The following BRINP1 variants were observed in gnomAD, a reference collection of about 807,000 sequenced individuals.
The protein encoded by BRINP1 is BMP/retinoic acid-inducible neural-specific protein 1.
Under a neutral mutation model 72.9 loss-of-function variants are expected in BRINP1, and 17 were observed. That is an observed-to-expected ratio of 0.23 (90% CI 0.16 to 0.35). The LOEUF (loss-of-function observed/expected upper bound fraction) is 0.35. BRINP1 is among the 10% of genes least tolerant of loss of function. The pLI is 1.00. For synonymous variants in BRINP1, 418 were observed against 378.5 expected (o/e 1.10, Z -1.21); for missense variants, 850 against 1,001.6 (o/e 0.85, Z 2.04).
intron 7 of BRINP1, among the ~76,000 whole-genome samples, chr9:119,192,498 C>T (rs1341550669): frequency 6.6e-6 from 1 of 152,086 alleles, no homozygotes; most frequent in Non-Finnish European, 1.5e-5. Flanking sequence ...TGAAAAGGTA[C>T]TCAACAGCAC....
intron 1 of BRINP1, among the ~76,000 whole-genome samples, chr9:119,334,538 G>A (rs952831686): frequency 6.6e-6 from 1 of 152,120 alleles, no homozygotes; most frequent in Non-Finnish European, 1.5e-5. Context: ...ATGCCATCAG[G>A]TTTAGCTGAC....
At chr9:119,367,221 G>GATATATAT (rs6151155) in intron 1 of BRINP1, among the ~76,000 whole-genome samples, 2,149 of 99,794 alleles carry the variant, frequency 0.022, 172 homozygotes, top group African/African-American at 0.059. Context: ...GTGTGTGATT[G>GATATATAT]ATATATATAT....
At chr9:119,354,048 T>G (rs1201251415) in intron 1 of BRINP1, among the ~76,000 whole-genome samples, 1 of 151,930 alleles carries the variant, frequency 6.6e-6, no homozygotes, top group East Asian at 1.9e-4. Context: ...CACCCCTTCT[T>G]ACCATTGGGA....
At chr9:119,169,925 C>G (rs987910501) in intron 7 of BRINP1, among the ~76,000 whole-genome samples, 5 of 151,978 alleles carry the variant, frequency 3.3e-5, no homozygotes, top group African/African-American at 1.2e-4. Context: ...AGGGTCCTAT[C>G]TGTTAGAAGG....
chr9:119,186,693 A>C (rs1829624371), intron 7 of BRINP1, among the ~76,000 whole-genome samples: 1 of 152,122 alleles, frequency 6.6e-6, no homozygotes, highest in African/African-American at 2.4e-5. Context: ...ACAGTGCCCT[A>C]CTGCCCTGGA....
At chr9:119,303,278 C>CCACACA (rs1171316462) in intron 2 of BRINP1, among the ~76,000 whole-genome samples, 1 of 130,520 alleles carries the variant, frequency 7.7e-6, no homozygotes, top group African/African-American at 3.3e-5. Context: ...CCCACCCCCA[C>CCACACA]CACACACACA....
intron 2 of BRINP1, among the ~76,000 whole-genome samples, chr9:119,298,251 G>A (rs1179131651): frequency 6.6e-6 from 1 of 152,152 alleles, no homozygotes; most frequent in Middle Eastern, 3.2e-3. Context: ...AGGAACAATA[G>A]GGCCCATATT....
rs975401832 is a variant in BRINP1, at chr9:119,287,993, T to TAAAA, written c.218+25141_218+25144dup. On this transcript the variant is annotated intron_variant, in intron 2 of 7. Transcript: ENST00000265922. ...CACATGTACCACTGAACTTAAAAGT[T>TAAAA]AAAAAAAAAGAAAAACCACAAGTCA... is the stretch of plus-strand genomic sequence containing the variant. 7.6e-3 allele frequency among the ~76,000 whole-genome samples: 1,150 copies of TAAAA among 150,916 alleles called. 11 individuals are homozygous for TAAAA. Among genetic ancestry groups the TAAAA allele is most frequent in the African/African-American group, 0.027 (1,111 of 41,078 alleles).
At chr9:119,268,930 C>G (rs531670180) in intron 2 of BRINP1, among the ~76,000 whole-genome samples, 1 of 152,246 alleles carries the variant, frequency 6.6e-6, no homozygotes, top group African/African-American at 2.4e-5. Context: ...ATGAAAGGCA[C>G]TAAAATGTAG....
intron 5 of BRINP1, among the ~76,000 whole-genome samples, chr9:119,222,101 T>C (rs1449641967): frequency 6.6e-6 from 1 of 152,084 alleles, no homozygotes; most frequent in Non-Finnish European, 1.5e-5. Context: ...AACAAAGCTA[T>C]AGAAAACAAC....
At chr9:119,289,993 A>C (rs1450366977) in intron 2 of BRINP1, among the ~76,000 whole-genome samples, 20 of 152,230 alleles carry the variant, frequency 1.3e-4, no homozygotes, top group Admixed American at 1.3e-3. Flanking sequence ...ACCTGCAGTG[A>C]TCCTTCAATA....
intron 2 of BRINP1, among the ~76,000 whole-genome samples, chr9:119,302,838 T>A (rs540112475): frequency 9.2e-5 from 14 of 151,980 alleles, no homozygotes; most frequent in Admixed American, 2.6e-4. Flanking sequence ...CATTTTATAT[T>A]TTTTTTTCAA....
At chr9:119,271,345 G>T (rs951388263) in intron 2 of BRINP1, among the ~76,000 whole-genome samples, 2 of 150,842 alleles carry the variant, frequency 1.3e-5, no homozygotes, top group Non-Finnish European at 3.0e-5. Flanking sequence ...AAATCAATAT[G>T]TGGCCTTTGA....
chr9:119,362,211 A>C (rs898861162), intron 1 of BRINP1, among the ~76,000 whole-genome samples: 1 of 152,164 alleles, frequency 6.6e-6, no homozygotes, highest in East Asian at 1.9e-4. Flanking sequence ...TGGAGAGATA[A>C]AGATAGGTTC....
At chr9:119,201,055 C>T (rs2118862592) in intron 7 of BRINP1, among the ~76,000 whole-genome samples, 1 of 152,242 alleles carries the variant, frequency 6.6e-6, no homozygotes, top group East Asian at 1.9e-4. Context: ...CTGTCAGCCA[C>T]CTGAGGATTT....
At chr9:119,280,720 G>A (rs1299241920) in intron 2 of BRINP1, among the ~76,000 whole-genome samples, 2 of 151,916 alleles carry the variant, frequency 1.3e-5, no homozygotes, top group African/African-American at 2.4e-5. Flanking sequence ...TGAGACACTC[G>A]GTATACAAAG....
chr9:119,167,285 G>A lies in BRINP1; in HGVS notation c.2085C>T (p.Leu695=), dbSNP rs1289241703. ...QFYSSSSVML[L]LLDIRDRINR... is the part of the protein sequence containing the mutation. ...TAATTCGGTCCCGAATATCCAACAAGAGGAGCATCACTGACGAAGAGGAAT... is the reference window on the plus strand; with the variant it reads ...TAATTCGGTCCCGAATATCCAACAAAAGGAGCATCACTGACGAAGAGGAAT... Residue 695 remains leucine, a synonymous_variant, in exon 8 of 8, where the codon CTC becomes CTT. Transcript: ENST00000265922. The surrounding 1 kb of genome is among the most constrained non-coding windows in gnomAD (Gnocchi z 4.3). The A allele has an allele frequency of 6.2e-7, 1 of 1,614,096 alleles. No individual in the cohort carries two copies. Among genetic ancestry groups the A allele is most frequent in the Non-Finnish European group, 8.5e-7 (1 of 1,180,056 alleles).
At chr9:119,282,632 T>C (rs544948029) in intron 2 of BRINP1, among the ~76,000 whole-genome samples, 7 of 152,286 alleles carry the variant, frequency 4.6e-5, no homozygotes, top group Admixed American at 2.6e-4. Context: ...TCCACTGTTA[T>C]TGTTACAGAA....
At chr9:119,366,720 G>A (rs1441431068) in intron 1 of BRINP1, among the ~76,000 whole-genome samples, 1 of 151,870 alleles carries the variant, frequency 6.6e-6, no homozygotes, top group Non-Finnish European at 1.5e-5. Context: ...GCAAGATAGG[G>A]GTGGGAGCAA....
Sources: gnomAD v4.1 joint callset for allele counts (sites outside exome capture counted in the v4.1 genomes callset) on GRCh38, gnomAD v4.1.1 for gene constraint, Gnocchi (gnomAD v3.1) non-coding constraint, MANE v1.5 for transcripts, NCBI Gene and HGNC (gene_info 2026-07-23, HGNC 2026-07-21) for gene names.